The following DPYSL2 variants were observed in gnomAD, a reference collection of about 807,000 sequenced individuals.
The protein encoded by DPYSL2 is dihydropyrimidinase like 2, also known as dihydropyrimidinase-related protein 2.
In DPYSL2, 13 loss-of-function variants were observed where a neutral mutation model predicts 69.9. The observed-to-expected ratio is 0.19, with a 90% CI of 0.12 to 0.30. DPYSL2 has a LOEUF of 0.30. DPYSL2 is among the 10% of genes least tolerant of loss of function. The pLI, the probability that DPYSL2 is intolerant of heterozygous loss-of-function variation, is 1.00. For synonymous variants in DPYSL2, 326 were observed against 359.1 expected, an observed-to-expected ratio of 0.91 and a Z score of 1.04; for missense variants, 587 against 918.9, an observed-to-expected ratio of 0.64 and a Z score of 4.67.
At chr8:26,577,860 C>CT in intron 1 of DPYSL2, 1 of 1,086,522 alleles carries the variant, frequency 9.2e-7, no homozygotes, top group South Asian at 2.4e-5. Flanking sequence ...GCTCGTCTCT[C>CT]TCGAAGCGGA....
intron 3 of DPYSL2, among the ~76,000 whole-genome samples, chr8:26,590,752 G>A (rs180685125): frequency 2.0e-5 from 3 of 152,372 alleles, no homozygotes; most frequent in Admixed American, 6.5e-5. Context: ...TGAGCAGAGC[G>A]GAGGGATCTC....
chr8:26,600,865 C>T (rs2129813283), intron 3 of DPYSL2, among the ~76,000 whole-genome samples: 1 of 152,346 alleles, frequency 6.6e-6, no homozygotes, highest in East Asian at 1.9e-4. Flanking sequence ...GAGAGTAAAT[C>T]CTGTTTTGCT....
chr8:26,539,219 T>C (rs1049337678), intron 1 of DPYSL2, among the ~76,000 whole-genome samples: 7 of 152,220 alleles, frequency 4.6e-5, no homozygotes, highest in African/African-American at 1.7e-4. Context: ...AACAATTGGT[T>C]AGACAATCTG....
intron 10 of DPYSL2, among the ~76,000 whole-genome samples, chr8:26,646,509 T>C (rs1178781622): frequency 6.6e-6 from 1 of 152,224 alleles, no homozygotes; most frequent in Admixed American, 6.5e-5. Flanking sequence ...AATTACTGAT[T>C]AGAGTGAAAA....
chr8:26,535,636 T>TATATA (rs201620604), intron 1 of DPYSL2, among the ~76,000 whole-genome samples: 2 of 141,962 alleles, frequency 1.4e-5, no homozygotes, highest in African/African-American at 2.9e-5. Flanking sequence ...TATATATATA[T>TATATA]TTTTTTTTTC....
At chr8:26,530,847 G>T (rs1286682804) in intron 1 of DPYSL2, among the ~76,000 whole-genome samples, 1 of 152,126 alleles carries the variant, frequency 6.6e-6, no homozygotes, top group Non-Finnish European at 1.5e-5. Context: ...TGCAAAGTGG[G>T]TATCATGACC....
chr8:26,578,887 T>G (rs1013398961), intron 1 of DPYSL2, among the ~76,000 whole-genome samples: 62 of 150,450 alleles, frequency 4.1e-4, no homozygotes, highest in African/African-American at 1.5e-3. Flanking sequence ...AGGGACGAGG[T>G]GATGAGCAGA....
Position 26,605,673 on chromosome 8 carries a change from A to G in DPYSL2, c.629-18470A>G, listed in dbSNP as rs1488114890. ...TAAAAATAATGTATTAAAAATTAATAGCTTCCCTGTATGTCATAAATAACC... is the reference window on the plus strand; with the variant it reads ...TAAAAATAATGTATTAAAAATTAATGGCTTCCCTGTATGTCATAAATAACC... On this transcript the variant is annotated intron_variant, in intron 3 of 13. Transcript: ENST00000521913. The surrounding 1 kb of genome is among the most constrained non-coding windows in gnomAD (Gnocchi z 4.1). Among the ~76,000 whole-genome samples, 1 of 152,232 alleles carries G rather than the reference A, an allele frequency of 6.6e-6. No homozygotes were observed. The highest frequency in any genetic ancestry group is 6.5e-5 in the Admixed American group (1 of 15,280).
chr8:26,633,061 T>C (rs2129936072), intron 7 of DPYSL2, among the ~76,000 whole-genome samples: 1 of 152,390 alleles, frequency 6.6e-6, no homozygotes, highest in South Asian at 2.1e-4. Context: ...AATTCAGTTA[T>C]AGGGGCTCAG....
At chr8:26,646,807 T>C (rs547457709) in intron 10 of DPYSL2, among the ~76,000 whole-genome samples, 1 of 151,868 alleles carries the variant, frequency 6.6e-6, no homozygotes, top group African/African-American at 2.4e-5. Context: ...CTGGGCAACA[T>C]AGTGAGATCT....
rs1475123147 is a variant in DPYSL2, at chr8:26,648,400, G to A, written c.1596+600G>A. 6.6e-6 allele frequency among the ~76,000 whole-genome samples: 1 copy of A among 152,148 alleles called. No individual in the cohort carries two copies. The highest frequency in any genetic ancestry group is 2.4e-5 in the African/African-American group (1 of 41,414). On this transcript the variant is annotated intron_variant, in intron 11 of 13. Transcript: ENST00000521913. This position sits in a 1 kb window ranked among gnomAD's most constrained non-coding sequence, Gnocchi z 4.3. ...GGTCTGGGCTTTAGAGCTTAGAGAT[G>A]TCCTCTCTTGTTAACAGGACCCAGG... is the stretch of plus-strand genomic sequence containing the variant.
chr8:26,613,783 G>A (rs138488094), intron 3 of DPYSL2, among the ~76,000 whole-genome samples: 1 of 152,260 alleles, frequency 6.6e-6, no homozygotes, highest in Non-Finnish European at 1.5e-5. Context: ...TTGAATAGAT[G>A]TTAGGAGTGT....
chr8:26,631,761 GC>G (rs1802780045), intron 7 of DPYSL2, among the ~76,000 whole-genome samples: 1 of 152,084 alleles, frequency 6.6e-6, no homozygotes, highest in Admixed American at 6.5e-5. Flanking sequence ...GCCCAGTGAG[GC>G]GAGGAGGGGG....
chr8:26,645,056 C>T (rs902404767), intron 10 of DPYSL2, among the ~76,000 whole-genome samples: 2 of 152,070 alleles, frequency 1.3e-5, no homozygotes, highest in African/African-American at 4.8e-5. Flanking sequence ...TGCTACTACA[C>T]AGGCACACAC....
intron 4 of DPYSL2, among the ~76,000 whole-genome samples, chr8:26,625,137 A>G: frequency 6.6e-6 from 1 of 152,204 alleles, no homozygotes; most frequent in East Asian, 1.9e-4. Flanking sequence ...ATGAAAAGCA[A>G]GAGTCTTGGG....
At chr8:26,606,852 A>G (rs1802117701) in intron 3 of DPYSL2, among the ~76,000 whole-genome samples, 1 of 152,070 alleles carries the variant, frequency 6.6e-6, no homozygotes, top group Admixed American at 6.6e-5. Flanking sequence ...CTGAGGGGGG[A>G]AGAATAAAGG....
chr8:26,598,344 T>C lies in DPYSL2; in HGVS notation c.628+14361T>C, dbSNP rs1183133457. ...TCAGCATTGCTATGAAATGGTTTATTTTTTTGTGGATGTTTTAGAGCTCCT... is the reference window on the plus strand; with the variant it reads ...TCAGCATTGCTATGAAATGGTTTATCTTTTTGTGGATGTTTTAGAGCTCCT... On this transcript the variant is annotated intron_variant, in intron 3 of 13. Coordinates refer to ENST00000521913, the MANE Select transcript of DPYSL2 (RefSeq NM_001197293.3). The surrounding 1 kb of genome is among the most constrained non-coding windows in gnomAD (Gnocchi z 4.2). 6.6e-6 allele frequency among the ~76,000 whole-genome samples: 1 copy of C among 152,234 alleles called. No homozygotes were observed. Among genetic ancestry groups the C allele is most frequent in the Non-Finnish European group, 1.5e-5 (1 of 68,034 alleles).
rs1801140963 is a variant in DPYSL2, at chr8:26,565,888, C to T, written c.355-16081C>T. Among the ~76,000 whole-genome samples the T allele has an allele frequency of 6.6e-6, 1 of 152,120 alleles. No homozygotes were observed. The highest frequency in any genetic ancestry group is 6.6e-5 in the Admixed American group (1 of 15,262). On this transcript the variant is annotated intron_variant, in intron 1 of 13. Coordinates refer to ENST00000521913, the MANE Select transcript of DPYSL2 (RefSeq NM_001197293.3). The surrounding 1 kb of genome is among the most constrained non-coding windows in gnomAD (Gnocchi z 4.1). Reference sequence around the variant, plus strand: ...TCATCCCGTCAGCTTGGAGAAAAAGCCTGGAGGAGGAAGAGGGAATTGTCT... The same window carrying T: ...TCATCCCGTCAGCTTGGAGAAAAAGTCTGGAGGAGGAAGAGGGAATTGTCT...
chr8:26,534,847 G>T (rs1490032012), intron 1 of DPYSL2, among the ~76,000 whole-genome samples: 1 of 152,006 alleles, frequency 6.6e-6, no homozygotes, highest in Admixed American at 6.6e-5. Context: ...TGTCCAAGCT[G>T]GTCTCTAACT....
Sources: allele counts gnomAD v4.1 joint callset (sites outside exome capture counted in the v4.1 genomes callset), GRCh38; gene constraint gnomAD v4.1.1; non-coding constraint Gnocchi (gnomAD v3.1); transcripts MANE v1.5; gene names NCBI Gene and HGNC (gene_info 2026-07-23, HGNC 2026-07-21).